CRACDL: variants seen among roughly 807,000 people sequenced by gnomAD.
The protein encoded by CRACDL is CRACD like.
A neutral mutation model predicts 70.6 loss-of-function variants in CRACDL; 26 were observed. That is an observed-to-expected ratio of 0.37 (90% CI 0.27 to 0.51). The LOEUF is 0.51. CRACDL is among the 20% of genes least tolerant of loss of function. CRACDL has a pLI of 0.94. For missense variants in CRACDL, 1,283 were observed against 1,376.9 expected, an observed-to-expected ratio of 0.93 and a Z score of 1.08; for synonymous variants, 618 against 615.2, an observed-to-expected ratio of 1.00 and a Z score of -0.07.
At chr2:98,796,979 G>A (rs752231185) in intron 8 of CRACDL, among the ~76,000 whole-genome samples, 4 of 152,324 alleles carry the variant, frequency 2.6e-5, no homozygotes, top group Non-Finnish European at 5.9e-5. Flanking sequence ...TGGAGCTGTC[G>A]ACATCATTGC....
chr2:98,844,665 G>A (rs1706175503), intron 2 of CRACDL, among the ~76,000 whole-genome samples: 1 of 152,198 alleles, frequency 6.6e-6, no homozygotes, highest in Non-Finnish European at 1.5e-5. Flanking sequence ...GATTTGGTGG[G>A]AGCACCATTC....
At chr2:98,827,220 A>G (rs1454988035) in intron 5 of CRACDL, 51 bp from the exon 6 acceptor site, 1 of 1,344,674 alleles carries the variant, frequency 7.4e-7, no homozygotes, top group Middle Eastern at 1.8e-4. Context: ...ACCGTGTGAA[A>G]TAAGGACGAC....
chr2:98,897,449 T>C, intron 1 of CRACDL: 1 of 1,248,136 alleles, frequency 8.0e-7, no homozygotes, highest in Non-Finnish European at 1.1e-6. Flanking sequence ...CCAGATTCAT[T>C]ACATGGAGTA....
In CRACDL at chr2:98,823,254, T is replaced by G; in HGVS notation, c.1019A>C (p.Glu340Ala). The change falls in exon 7 of 10, where the codon GAG (glutamate) becomes GCG (alanine). Residue 340 changes from glutamate (E) to alanine (A), a missense_variant. Coordinates refer to ENST00000397899, the MANE Select transcript of CRACDL (RefSeq NM_207362.3). This position sits in a 1 kb window ranked among gnomAD's most constrained non-coding sequence, Gnocchi z 4.0. ...GGGGGCCGACTCGGGCTCGGCGAGC[T>G]CCGGGGTGGCCGGGCGGCTTGAGGG... ...EDPSSRPATP[E>A]LAEPESAPTL... The G allele has an allele frequency of 7.1e-7, 1 of 1,405,822 alleles. No individual in the cohort carries two copies. The highest frequency in any genetic ancestry group is 1.5e-5 in the African/African-American group (1 of 65,616). 87.1% of individuals were successfully genotyped at this position (1,405,822 alleles called of 1,614,324 possible).
intron 1 of CRACDL, among the ~76,000 whole-genome samples, chr2:98,931,324 CAAAAAAAAAAAA>C (rs530900049): frequency 6.2e-5 from 6 of 96,262 alleles, no homozygotes; most frequent in Non-Finnish European, 1.1e-4. Flanking sequence ...GACTCCATCT[CAAAAAAAAAAAA>C]AAAAAAAAAG....
At chr2:98,836,205 G>C (rs1705772882) in intron 3 of CRACDL, among the ~76,000 whole-genome samples, 2 of 152,180 alleles carry the variant, frequency 1.3e-5, no homozygotes, top group African/African-American at 2.4e-5. Flanking sequence ...CACGATAAAT[G>C]GGCGTCACTT....
At chr2:98,931,218 A>T (rs1709063509) in intron 1 of CRACDL, among the ~76,000 whole-genome samples, 1 of 151,158 alleles carries the variant, frequency 6.6e-6, no homozygotes, top group Non-Finnish European at 1.5e-5. Flanking sequence ...CCAGCTACTC[A>T]GGAGGCTGAG....
chr2:98,931,324 C>CA (rs530900049), intron 1 of CRACDL, among the ~76,000 whole-genome samples: 9,287 of 96,038 alleles, frequency 0.097, 536 homozygotes, highest in East Asian at 0.29. Flanking sequence ...GACTCCATCT[C>CA]AAAAAAAAAA....
At position 98,815,806 on chromosome 2, in the gene CRACDL, C is replaced by A. The variant is rs181405888; in HGVS notation, c.2416+6051G>T. Among the ~76,000 whole-genome samples the A allele has an allele frequency of 1.9e-3, 294 of 152,264 alleles. 1 individual carries two copies. Among genetic ancestry groups the A allele is most frequent in the Middle Eastern group, 6.8e-3 (2 of 294 alleles). ...GAGGGGTTGGCCACTTCACTGATGACCAAAGATTAGGACTGAAAGAATCAA... is the reference window on the plus strand; with the variant it reads ...GAGGGGTTGGCCACTTCACTGATGAACAAAGATTAGGACTGAAAGAATCAA... On this transcript the variant is annotated intron_variant, in intron 7 of 9. Coordinates refer to ENST00000397899, the MANE Select transcript of CRACDL (RefSeq NM_207362.3).
intron 1 of CRACDL, among the ~76,000 whole-genome samples, chr2:98,925,701 C>A (rs1708894457): frequency 6.6e-6 from 1 of 152,124 alleles, no homozygotes; most frequent in Admixed American, 6.5e-5. Context: ...AGTGACTTCA[C>A]TTTGCTAAGC....
At chr2:98,796,068 C>T (rs1451778932) in intron 9 of CRACDL, 52 bp downstream of exon 9, 10 of 1,577,788 alleles carry the variant, frequency 6.3e-6, no homozygotes, top group Admixed American at 1.7e-5. Context: ...ACTGCAGGAA[C>T]GACCCAGGAA....
chr2:98,795,072 TATA>T (rs1455646688), intron 9 of CRACDL, among the ~76,000 whole-genome samples: 5 of 58,834 alleles, frequency 8.5e-5, no homozygotes, highest in African/African-American at 3.2e-4. Context: ...TATATATATA[TATA>T]TATTTTTTTT....
intron 5 of CRACDL, among the ~76,000 whole-genome samples, chr2:98,829,827 G>T (rs1705461478): frequency 6.6e-6 from 1 of 152,182 alleles, no homozygotes; most frequent in Non-Finnish European, 1.5e-5. Flanking sequence ...CACTGGACAG[G>T]AAGCAGGGGG....
chr2:98,805,680 A>C (rs1156286234), intron 7 of CRACDL, among the ~76,000 whole-genome samples: 2 of 152,184 alleles, frequency 1.3e-5, no homozygotes, highest in South Asian at 2.1e-4. Context: ...GCCTAGGGGC[A>C]AACAGAAGGA....
At chr2:98,914,731 T>A (rs1708628015) in intron 1 of CRACDL, among the ~76,000 whole-genome samples, 1 of 152,132 alleles carries the variant, frequency 6.6e-6, no homozygotes, top group Non-Finnish European at 1.5e-5. Context: ...TCCATCAGTG[T>A]CTCTGCTGAA....
At chr2:98,883,824 G>C (rs1479821621) in intron 1 of CRACDL, among the ~76,000 whole-genome samples, 1 of 152,192 alleles carries the variant, frequency 6.6e-6, no homozygotes, top group Non-Finnish European at 1.5e-5. Context: ...CTGTTGTTTA[G>C]GACCGAATGA....
chr2:98,832,815 G>A (rs1705599269), intron 4 of CRACDL, 47 bp downstream of exon 4: 1 of 1,608,030 alleles, frequency 6.2e-7, no homozygotes, highest in East Asian at 2.2e-5. Context: ...ACTTCTTGAT[G>A]GATATTTGAC....
intron 1 of CRACDL, among the ~76,000 whole-genome samples, chr2:98,898,615 G>A (rs1708188774): frequency 2.0e-5 from 3 of 152,224 alleles, no homozygotes. Flanking sequence ...CAGACCCACA[G>A]CATCTGCCTG....
At chr2:98,890,747 C>T (rs1030905931) in intron 1 of CRACDL, among the ~76,000 whole-genome samples, 2 of 152,174 alleles carry the variant, frequency 1.3e-5, no homozygotes, top group Non-Finnish European at 2.9e-5. Flanking sequence ...AGCCACATGT[C>T]GATGCCCAAA....
Sources: allele counts gnomAD v4.1 joint callset (sites outside exome capture counted in the v4.1 genomes callset), GRCh38; gene constraint gnomAD v4.1.1; non-coding constraint Gnocchi (gnomAD v3.1); transcripts MANE v1.5; gene names NCBI Gene and HGNC (gene_info 2026-07-23, HGNC 2026-07-21).